The following NUDT18 variants were observed in gnomAD, a reference collection of about 807,000 sequenced individuals.
The protein encoded by NUDT18 is 8-oxo-dGDP phosphatase NUDT18.
NUDT18 carries 26 observed loss-of-function variants against 27.6 expected under a neutral mutation model. The ratio of observed to expected loss-of-function variants is 0.94; its 90% CI spans 0.69 to 1.31. The LOEUF is 1.31. Ranked by LOEUF, NUDT18 falls within the 50% of genes most tolerant of loss-of-function variation. NUDT18 has a pLI of 0.00. For synonymous variants in NUDT18, 220 were observed against 196.9 expected, an observed-to-expected ratio of 1.12 and a Z score of -0.98; for missense variants, 450 against 433.4, an observed-to-expected ratio of 1.04 and a Z score of -0.34.
chr8:22,109,112 C>T (rs1826418248), intron 1 of NUDT18, 27 bp downstream of exon 1: 1 of 1,391,452 alleles, frequency 7.2e-7, no homozygotes, highest in African/African-American at 1.5e-5. Context: ...CTCCCGAGGC[C>T]CGGCGGGCCC....
chr8:22,109,294 A>G lies in NUDT18; in HGVS notation c.7T>C (p.Ser3Pro). 1 of 1,371,640 alleles carries G rather than the reference A, an allele frequency of 7.3e-7. No individual in the cohort carries two copies. The highest frequency in any genetic ancestry group is 9.4e-7 in the Non-Finnish European group (1 of 1,068,428). 85.0% of individuals were successfully genotyped at this position (1,371,640 alleles called of 1,614,324 possible). The stretch of plus-strand genomic sequence containing the variant: ...GCCAGCGCCCCCGCCAGGCCCTCCG[A>G]GGCCATCGGGTCCCCCGGGGGGCGG... Reference protein sequence around the residue: MASEGLAGALASV... With the variant: MAPEGLAGALASV... Residue 3 changes from serine (S) to proline (P), a missense_variant, in exon 1 of 3, where the codon TCG becomes CCG. Coordinates refer to ENST00000611621, the MANE Select transcript of NUDT18 (RefSeq NM_024815.4).
rs1023821670 is a variant in NUDT18, at chr8:22,107,413, G to A, written c.859C>T (p.Pro287Ser). The change falls in exon 3 of 3, where the codon CCC becomes TCC. Residue 287 changes from proline to serine, a missense_variant. Coordinates refer to ENST00000611621, the MANE Select transcript of NUDT18 (RefSeq NM_024815.4). ...AFRSPGIQDE[P>S]PKVRGENFSW... is the part of the protein sequence containing the mutation. ...AAGTTCTCACCCCGAACTTTTGGGG[G>A]TTCATCCTGGATCCCTGGGCTCCGA... The A allele has an allele frequency of 3.1e-6, 5 of 1,613,338 alleles. No homozygotes were observed. The African/African-American group carries it at 5.3e-5, about 17-fold the overall frequency.
upstream of NUDT18, chr8:22,109,473 G>T: frequency 1.8e-6 from 1 of 562,496 alleles, no homozygotes. Flanking sequence ...GCCGCTGATA[G>T]GCTGCGCGGC....
rs1826419652 is a variant in NUDT18 at position 22,109,168 on chromosome 8, C to T, written c.133G>A (p.Val45Met). The change falls in exon 1 of 3, where the codon GTG becomes ATG. Residue 45 changes from valine to methionine, a missense_variant. Transcript: ENST00000611621. ...PVRLRKNVCY[V>M]VLAVFLSEQD... Reference sequence around the variant, plus strand: ...TCGCTGAGGAACACGGCCAGCACCACGTAGCACACGTTCTTCCGCAGCCGC... The same window carrying T: ...TCGCTGAGGAACACGGCCAGCACCATGTAGCACACGTTCTTCCGCAGCCGC... 6.9e-7 allele frequency: 1 copy of T among 1,456,024 alleles called. No homozygotes were observed. The highest frequency in any genetic ancestry group is 1.3e-5 in the South Asian group (1 of 75,538). 90.2% of individuals were successfully genotyped at this position (1,456,024 alleles called of 1,614,324 possible).
At chr8:22,108,402 A>G in intron 1 of NUDT18, 56 bp from the exon 2 acceptor site, 1 of 1,453,660 alleles carries the variant, frequency 6.9e-7, no homozygotes, top group Non-Finnish European at 9.4e-7. Flanking sequence ...CCCCGGGACC[A>G]GGGGGCATCT....
intron 1 of NUDT18, among the ~76,000 whole-genome samples, 176 bp from the exon 2 acceptor site, chr8:22,108,522 A>G (rs936777477): frequency 6.6e-6 from 1 of 152,158 alleles, no homozygotes. Flanking sequence ...CCTCTCTGCA[A>G]TTCGTCTCTC....
upstream of NUDT18, chr8:22,109,556 A>G: frequency 2.0e-6 from 1 of 495,034 alleles, no homozygotes; most frequent in Admixed American, 3.1e-5. Context: ...CCGCCCTGGA[A>G]CTGGGGGGGC....
At chr8:22,108,027 C>G (rs1826397657) in intron 2 of NUDT18, 106 bp downstream of exon 2, 7 of 1,366,410 alleles carry the variant, frequency 5.1e-6, no homozygotes, top group Non-Finnish European at 5.9e-6. Context: ...CCATGCCAGG[C>G]TGTGCCAGCC....
chr8:22,109,395 C>CGGAGCCCGCTCCCAGTCCCTGA lies in NUDT18; in HGVS notation c.-96_-95insTCAGGGACTGGGAGCGGGCTCC. 1 of 1,200,576 alleles carries CGGAGCCCGCTCCCAGTCCCTGA rather than the reference C, an allele frequency of 8.3e-7. No individual in the cohort carries two copies. Among genetic ancestry groups the CGGAGCCCGCTCCCAGTCCCTGA allele is most frequent in the Non-Finnish European group, 1.1e-6 (1 of 929,810 alleles). 74.4% of individuals were successfully genotyped at this position (1,200,576 alleles called of 1,614,324 possible). A position where few individuals can be genotyped will look rare whatever the true frequency, so the allele number is the denominator to read the frequency against. ...CTGCGGAGCCCGCTCCCAGTCCCTGCGGCAGCGGGCCGGGAGCTCACGAGA... is the reference window on the plus strand; with the variant it reads ...CTGCGGAGCCCGCTCCCAGTCCCTGCGGAGCCCGCTCCCAGTCCCTGAGGCAGCGGGCCGGGAGCTCACGAGA... On this transcript the variant is annotated 5_prime_UTR_variant, in exon 1 of 3. Coordinates refer to ENST00000611621, the MANE Select transcript of NUDT18 (RefSeq NM_024815.4).
In NUDT18 at chr8:22,107,477, A is replaced by G. The variant is rs764522501; in HGVS notation, c.795T>C (p.Ser265=). The change falls in exon 3 of 3, where the codon AGT becomes AGC. Residue 265 remains serine, a synonymous_variant. Coordinates refer to ENST00000611621, the MANE Select transcript of NUDT18 (RefSeq NM_024815.4). Reference sequence around the variant, plus strand: ...CCAGCACATTCAAACAGATGCCATCACTGTGATCTCGGCCCAGGTGCTGCA... The same window carrying G: ...CCAGCACATTCAAACAGATGCCATCGCTGTGATCTCGGCCCAGGTGCTGCA... ...LGLQHLGRDH[S]DGICLNVLVT... 1 of 1,613,162 alleles carries G rather than the reference A, an allele frequency of 6.2e-7. No homozygotes were observed. Among genetic ancestry groups the G allele is most frequent in the Non-Finnish European group, 8.5e-7 (1 of 1,179,864 alleles).
In NUDT18 at chr8:22,107,833, G is replaced by A. The variant is rs1409559321; in HGVS notation, c.439C>T (p.Arg147Trp). 4 of 1,610,894 alleles carry A rather than the reference G, an allele frequency of 2.5e-6. No individual in the cohort carries two copies. The South Asian group carries it at 3.3e-5, about 13-fold the overall frequency. ...AESLQAAWYP[R>W]TSLPTPLRAH... ...CGCAGCGGAGTGGGCAGGGAGGTCC[G>A]TGGGTACCAGGCAGCCTGCAGGGAC... The change falls in exon 3 of 3, where the codon CGG becomes TGG. Residue 147 changes from arginine to tryptophan, a missense_variant. Coordinates refer to ENST00000611621, the MANE Select transcript of NUDT18 (RefSeq NM_024815.4).
chr8:22,107,892 C>T lies in NUDT18; in HGVS notation c.380G>A (p.Gly127Glu). 1 of 1,572,954 alleles carries T rather than the reference C, an allele frequency of 6.4e-7. No individual in the cohort carries two copies. The highest frequency in any genetic ancestry group is 8.6e-7 in the Non-Finnish European group (1 of 1,157,054). ...GGCCTCCTTGGAAGTCTTGAGAATT[C>T]CACCTGGGGGAGATGTGGGGGATGG... Reference protein sequence around the residue: ...RFVFLARPTGGILKTSKEADA... With the variant: ...RFVFLARPTGEILKTSKEADA... Residue 127 changes from glycine (G) to glutamate (E), a missense_variant, in exon 3 of 3, where the codon GGA becomes GAA. By Grantham distance (98) the Gly-to-Glu change is moderately conservative. Transcript: ENST00000611621.
chr8:22,109,402 G>A lies in NUDT18; in HGVS notation c.-102C>T. On this transcript the variant is annotated 5_prime_UTR_variant, in exon 1 of 3. Coordinates refer to ENST00000611621, the MANE Select transcript of NUDT18 (RefSeq NM_024815.4). The stretch of plus-strand genomic sequence containing the variant: ...GCCCGCTCCCAGTCCCTGCGGCAGC[G>A]GGCCGGGAGCTCACGAGAACGCGGA... The A allele has an allele frequency of 2.2e-5, 7 of 312,746 alleles. No individual in the cohort carries two copies. Among genetic ancestry groups the A allele is most frequent in the South Asian group, 6.0e-5 (1 of 16,620 alleles). 19.4% of individuals were successfully genotyped at this position (312,746 alleles called of 1,614,324 possible).
chr8:22,107,210 G>T lies in NUDT18; in HGVS notation c.*90C>A. 1.0e-6 allele frequency: 1 copy of T among 994,768 alleles called. No individual in the cohort carries two copies. Among genetic ancestry groups the T allele is most frequent in the Non-Finnish European group, 1.5e-6 (1 of 682,810 alleles). 61.6% of individuals were successfully genotyped at this position (994,768 alleles called of 1,614,324 possible). A position where few individuals can be genotyped will look rare whatever the true frequency, so the allele number is the denominator to read the frequency against. Reference sequence around the variant, plus strand: ...CTGCTCCCAATGCAACAAGATCCCTGATCGCCAGCCTCTTGCCTCCCTCAG... The same window carrying T: ...CTGCTCCCAATGCAACAAGATCCCTTATCGCCAGCCTCTTGCCTCCCTCAG... On this transcript the variant is annotated 3_prime_UTR_variant, in exon 3 of 3. Coordinates refer to ENST00000611621, the MANE Select transcript of NUDT18 (RefSeq NM_024815.4).
chr8:22,107,180 C>G lies in NUDT18; in HGVS notation c.*120G>C, dbSNP rs561349106. 11 of 721,872 alleles carry G rather than the reference C, an allele frequency of 1.5e-5. No individual in the cohort carries two copies. Among genetic ancestry groups the G allele is most frequent in the Non-Finnish European group, 2.5e-5 (11 of 439,912 alleles). 44.7% of individuals were successfully genotyped at this position (721,872 alleles called of 1,614,324 possible). A position where few individuals can be genotyped will look rare whatever the true frequency, so the allele number is the denominator to read the frequency against. On this transcript the variant is annotated 3_prime_UTR_variant, in exon 3 of 3. Transcript: ENST00000611621. ...CATCTCTCCTGGGGACCAGGAGAGC[C>G]GCCCCTGCTCCCAATGCAACAAGAT...
chr8:22,108,169 A>G lies in NUDT18; in HGVS notation c.340T>C (p.Ser114Pro), dbSNP rs1826400309. 6.4e-7 allele frequency: 1 copy of G among 1,561,138 alleles called. No individual in the cohort carries two copies. Residue 114 changes from serine (S) to proline (P), a missense_variant, in exon 2 of 3, where the codon TCC becomes CCC. Transcript: ENST00000611621. ...TLLSVEERGP[S>P]WVRFVFLARP... ...GCGAGGAACACGAAGCGGACCCAGG[A>G]GGGGCCCCGCTCCTCCACGGACAGC...
At position 22,108,241 on chromosome 8, in the gene NUDT18, G is replaced by A. The variant is rs900948602; in HGVS notation, c.268C>T (p.Arg90Trp). Reference protein sequence around the residue: ...PGETIVEALQREVKEEAGLHC... With the variant: ...PGETIVEALQWEVKEEAGLHC... ...AGCCCCGCCTCCTCCTTCACCTCCC[G>A]CTGCAGCGCCTCCACGATGGTCTCC... The change falls in exon 2 of 3, where the codon CGG becomes TGG. Residue 90 changes from arginine (R) to tryptophan (W), a missense_variant. Arg to Trp is a moderately radical substitution (Grantham distance 101, BLOSUM62 -3). Coordinates refer to ENST00000611621, the MANE Select transcript of NUDT18 (RefSeq NM_024815.4). 1.9e-6 allele frequency: 3 copies of A among 1,597,528 alleles called. No homozygotes were observed. Among genetic ancestry groups the A allele is most frequent in the South Asian group, 1.1e-5 (1 of 88,180 alleles).
At position 22,107,082 on chromosome 8, in the gene NUDT18, G is replaced by A. The variant is rs1390973566; in HGVS notation, c.*218C>T. On this transcript the variant is annotated 3_prime_UTR_variant, in exon 3 of 3. Transcript: ENST00000611621. The stretch of plus-strand genomic sequence containing the variant: ...GTCAGCGTGCCCTCAGGGTAGTCAG[G>A]TCCTGAGCTTTGGACTCCTCGCTTG... The A allele has an allele frequency of 1.8e-6, 1 of 545,744 alleles. No homozygotes were observed. Among genetic ancestry groups the A allele is most frequent in the Non-Finnish European group, 3.3e-6 (1 of 307,296 alleles). The allele number at this position is 545,744 out of a possible 1,614,324, so 33.8% of individuals were successfully genotyped here.
At chr8:22,110,043 G>T (rs1181715074), upstream of NUDT18, among the ~76,000 whole-genome samples, 1 of 151,772 alleles carries the variant, frequency 6.6e-6, no homozygotes, top group Non-Finnish European at 1.5e-5. Context: ...AGAGTGACAG[G>T]CGCTGGAAGG....
Sources: gnomAD v4.1 joint callset for allele counts (sites outside exome capture counted in the v4.1 genomes callset) on GRCh38, gnomAD v4.1.1 for gene constraint, MANE v1.5 for transcripts, NCBI Gene and HGNC (gene_info 2026-07-23, HGNC 2026-07-21) for gene names.